Variants in NCAM2 observed in about 807,000 individuals in gnomAD.
NCAM2 encodes the protein N-CAM-2.
NCAM2 carries 30 observed loss-of-function variants against 98.1 expected under a neutral mutation model. That is an observed-to-expected ratio of 0.31 (90% CI 0.23 to 0.41). The LOEUF (loss-of-function observed/expected upper bound fraction) is 0.41. NCAM2 is among the 10% of genes least tolerant of loss of function. The pLI is 1.00. For missense variants in NCAM2, 867 were observed against 1,005.8 expected (o/e 0.86, Z 1.87); for synonymous variants, 368 against 342.4 (o/e 1.07, Z -0.83).
At chr21:21,106,101 A>G (rs1184516630) in intron 1 of NCAM2, among the ~76,000 whole-genome samples, 2 of 151,968 alleles carry the variant, frequency 1.3e-5, no homozygotes, top group Non-Finnish European at 2.9e-5. Flanking sequence ...GAAGCCAGGA[A>G]TTTGAGACCA....
At chr21:21,247,041 T>C (rs904590549) in intron 1 of NCAM2, among the ~76,000 whole-genome samples, 6 of 148,638 alleles carry the variant, frequency 4.0e-5, no homozygotes, top group Non-Finnish European at 8.9e-5. Flanking sequence ...AAATTTAGAC[T>C]AGGCGCGTTG....
At chr21:21,267,666 A>G (rs559709609) in intron 1 of NCAM2, among the ~76,000 whole-genome samples, 1 of 152,300 alleles carries the variant, frequency 6.6e-6, no homozygotes, top group South Asian at 2.1e-4. Flanking sequence ...TGAAACAAAC[A>G]AAAATTACAT....
At chr21:21,079,561 G>C (rs1371260949) in intron 1 of NCAM2, among the ~76,000 whole-genome samples, 1 of 152,074 alleles carries the variant, frequency 6.6e-6, no homozygotes, top group Non-Finnish European at 1.5e-5. Flanking sequence ...CTGTTTTAGT[G>C]AAAATTCTCT....
At position 21,049,412 on chromosome 21, in the gene NCAM2, CAT is replaced by C. The variant is rs2065062948; in HGVS notation, c.55+50795_55+50796del. Among the ~76,000 whole-genome samples, 6 of 152,174 alleles carry C rather than the reference CAT, an allele frequency of 3.9e-5. No individual in the cohort carries two copies. The South Asian group carries it at 8.3e-4, about 21-fold the overall frequency. ...CACCACTACATTAGGCTTCTAATTA[CAT>C]GTTTGATTCTTTTTAATAGATTCAA... On this transcript the variant is annotated intron_variant, in intron 1 of 17. Transcript: ENST00000400546.
chr21:21,124,513 A>T (rs566631162), intron 1 of NCAM2, among the ~76,000 whole-genome samples: 1 of 152,330 alleles, frequency 6.6e-6, no homozygotes, highest in African/African-American at 2.4e-5. Flanking sequence ...TAATTGAAAT[A>T]GTAACAATGG....
intron 15 of NCAM2, among the ~76,000 whole-genome samples, chr21:21,507,922 C>A (rs979411221): frequency 6.6e-6 from 1 of 151,566 alleles, no homozygotes; most frequent in Non-Finnish European, 1.5e-5. Context: ...CAGTTTATTT[C>A]TTTTCATTGT....
chr21:21,180,087 T>G (rs529417031), intron 1 of NCAM2, among the ~76,000 whole-genome samples: 4 of 152,282 alleles, frequency 2.6e-5, no homozygotes, highest in Non-Finnish European at 5.9e-5. Context: ...GTCCTTCCTC[T>G]TGGCTTCTCC....
chr21:21,451,268 C>G (rs1046951956), intron 12 of NCAM2, among the ~76,000 whole-genome samples: 1 of 152,104 alleles, frequency 6.6e-6, no homozygotes, highest in South Asian at 2.1e-4. Flanking sequence ...TTACTGTTTT[C>G]AAACATCTAT....
chr21:21,414,593 C>T (rs904056770), intron 10 of NCAM2, among the ~76,000 whole-genome samples: 2 of 151,950 alleles, frequency 1.3e-5, no homozygotes, highest in Non-Finnish European at 2.9e-5. Context: ...CCTCACCCTC[C>T]CGAGTAGCTG....
intron 1 of NCAM2, among the ~76,000 whole-genome samples, chr21:21,116,041 G>A (rs1287612874): frequency 2.0e-5 from 3 of 146,850 alleles, no homozygotes; most frequent in Non-Finnish European, 3.0e-5. Flanking sequence ...GTGTGTGTGT[G>A]TGTGTCTTTC....
At chr21:21,174,385 G>A (rs1322342160) in intron 1 of NCAM2, among the ~76,000 whole-genome samples, 1 of 152,070 alleles carries the variant, frequency 6.6e-6, no homozygotes, top group Non-Finnish European at 1.5e-5. Context: ...TGTCTTTCAC[G>A]CAATATTTGG....
chr21:21,046,698 T>C (rs1407336651), intron 1 of NCAM2, among the ~76,000 whole-genome samples: 5 of 152,310 alleles, frequency 3.3e-5, no homozygotes, highest in South Asian at 2.1e-4. Flanking sequence ...TGTGACTGCA[T>C]TGGTACTGCA....
In NCAM2 at chr21:21,179,298, G is replaced by T. The variant is rs141262339; in HGVS notation, c.56-101280G>T. 2.8e-3 allele frequency among the ~76,000 whole-genome samples: 421 copies of T among 151,684 alleles called. 2 individuals carry two copies. Among genetic ancestry groups the T allele is most frequent in the African/African-American group, 9.7e-3 (400 of 41,350 alleles). The stretch of plus-strand genomic sequence containing the variant: ...GTAATGTCTACTAACTATATTTGCT[G>T]ATTGTATTATTAAATTAATATTTTC... On this transcript the variant is annotated intron_variant, in intron 1 of 17. Transcript: ENST00000400546.
chr21:21,167,654 C>T (rs1003138481), intron 1 of NCAM2, among the ~76,000 whole-genome samples: 6 of 152,024 alleles, frequency 3.9e-5, no homozygotes, highest in Non-Finnish European at 7.4e-5. Flanking sequence ...CACTACAGAT[C>T]TTATGGACAT....
At chr21:21,383,855 C>T (rs1270425034) in intron 9 of NCAM2, among the ~76,000 whole-genome samples, 8 of 151,892 alleles carry the variant, frequency 5.3e-5, no homozygotes, top group Admixed American at 5.2e-4. Flanking sequence ...GAGTATTTTA[C>T]ATCATATATT....
chr21:21,096,929 C>G (rs2066136685), intron 1 of NCAM2, among the ~76,000 whole-genome samples: 1 of 151,686 alleles, frequency 6.6e-6, no homozygotes, highest in Admixed American at 6.6e-5. Context: ...CTCTGACTTT[C>G]TATCTTAAAG....
chr21:21,220,801 C>G (rs972809216), intron 1 of NCAM2, among the ~76,000 whole-genome samples: 1 of 152,154 alleles, frequency 6.6e-6, no homozygotes, highest in Non-Finnish European at 1.5e-5. Context: ...TTTTTATAAG[C>G]TGCTGGTACA....
At chr21:21,415,492 C>T (rs1475297416) in intron 10 of NCAM2, among the ~76,000 whole-genome samples, 8 of 151,966 alleles carry the variant, frequency 5.3e-5, no homozygotes, top group African/African-American at 1.9e-4. Flanking sequence ...CCGGCCACCA[C>T]GCCCGGCTAA....
chr21:21,111,693 A>C (rs2066457852), intron 1 of NCAM2, among the ~76,000 whole-genome samples: 1 of 152,170 alleles, frequency 6.6e-6, no homozygotes, highest in Admixed American at 6.5e-5. Context: ...GGGAAAGGTT[A>C]AAGTTCTCTT....
Sources: allele counts gnomAD v4.1 joint callset (sites outside exome capture counted in the v4.1 genomes callset), GRCh38; gene constraint gnomAD v4.1.1; transcripts MANE v1.5; gene names NCBI Gene and HGNC (gene_info 2026-07-23, HGNC 2026-07-21).